PHF24: variants seen among roughly 807,000 people sequenced by gnomAD.
PHF24 encodes PHD finger protein 24.
Under a neutral mutation model 42.6 loss-of-function variants are expected in PHF24, and 25 were observed. That is an observed-to-expected ratio of 0.59 (90% CI 0.43 to 0.82). The LOEUF (loss-of-function observed/expected upper bound fraction) is 0.82, where lower values mean the gene tolerates loss of function less well. PHF24 is among the 40% of genes least tolerant of loss of function. The probability of loss-of-function intolerance (pLI) is 0.00; values close to 1 mark genes in which losing one functional copy is unlikely to be tolerated. For missense variants in PHF24, 470 were observed against 538.1 expected (o/e 0.87, Z 1.25); for synonymous variants, 185 against 204.8 (o/e 0.90, Z 0.83).
chr9:34,875,946 ACACACTCTCTCTCTCTCT>A, the PHF24 span, among the ~76,000 whole-genome samples: 12,535 of 88,736 alleles, frequency 0.14, 739 homozygotes, highest in East Asian at 0.35. Context: ...ACACACACAC[ACACACTCTCTCTCTCTCT>A]CTCTCTCTCT....
the PHF24 span, among the ~76,000 whole-genome samples, chr9:34,879,648 T>G: frequency 1.3e-5 from 2 of 151,982 alleles, no homozygotes; most frequent in South Asian, 4.1e-4. Context: ...AAGAGAAGTT[T>G]AGAGAAAAAA....
At chr9:34,704,148 C>A in the PHF24 span, among the ~76,000 whole-genome samples, 7 of 152,234 alleles carry the variant, frequency 4.6e-5, 1 homozygote, top group African/African-American at 1.7e-4. Flanking sequence ...CCACCTCAGC[C>A]TCCAAGTCGC....
At chr9:34,730,541 G>A in the PHF24 span, among the ~76,000 whole-genome samples, 1 of 152,172 alleles carries the variant, frequency 6.6e-6, no homozygotes, top group Non-Finnish European at 1.5e-5. Context: ...GGAGTGTTGA[G>A]GATACAAAGA....
chr9:34,977,329 C>G, intron 6 of PHF24, 86 bp downstream of exon 6: 1 of 1,468,978 alleles, frequency 6.8e-7, no homozygotes, highest in East Asian at 2.3e-5. Context: ...TCCCTGCTCC[C>G]CCTGCCAACA....
At chr9:34,966,753 A>C (rs1490702268) in intron 1 of PHF24, among the ~76,000 whole-genome samples, 1 of 151,932 alleles carries the variant, frequency 6.6e-6, no homozygotes, top group African/African-American at 2.4e-5. Flanking sequence ...TGTAGTGGCT[A>C]TTCACAGGCA....
chr9:34,918,132 A>G, the PHF24 span: 2 of 1,545,626 alleles, frequency 1.3e-6, no homozygotes, highest in Middle Eastern at 1.7e-4. Flanking sequence ...AGCCAATCGT[A>G]GCGCCAGCAT....
the PHF24 span, among the ~76,000 whole-genome samples, chr9:34,920,134 A>C: frequency 2.0e-5 from 3 of 152,180 alleles, no homozygotes; most frequent in Non-Finnish European, 4.4e-5. Flanking sequence ...ACCTCCATAC[A>C]GTTCTCCATA....
At chr9:34,889,591 G>T in the PHF24 span, 2 of 398,616 alleles carry the variant, frequency 5.0e-6, no homozygotes, top group African/African-American at 4.1e-5. Context: ...TTAATCCAGT[G>T]CAGAAACAGC....
chr9:34,782,000 A>G, the PHF24 span, among the ~76,000 whole-genome samples: 1 of 152,156 alleles, frequency 6.6e-6, no homozygotes, highest in East Asian at 1.9e-4. Context: ...TCTAGGCAAA[A>G]ATGTCCAAAT....
chr9:34,846,304 G>A, the PHF24 span, among the ~76,000 whole-genome samples: 2 of 152,120 alleles, frequency 1.3e-5, no homozygotes, highest in Non-Finnish European at 2.9e-5. Context: ...ACTGGTGTGA[G>A]ATGGTATCTC....
At chr9:34,908,293 C>T in the PHF24 span, among the ~76,000 whole-genome samples, 4 of 152,098 alleles carry the variant, frequency 2.6e-5, no homozygotes, top group African/African-American at 9.7e-5. Flanking sequence ...TCTTCACTGC[C>T]ACTGCCATAG....
At chr9:34,795,081 G>GA in the PHF24 span, among the ~76,000 whole-genome samples, 2 of 151,828 alleles carry the variant, frequency 1.3e-5, no homozygotes, top group East Asian at 1.9e-4. Context: ...AAGAAACCAG[G>GA]AAAAAAACAA....
the PHF24 span, among the ~76,000 whole-genome samples, chr9:34,749,263 G>T: frequency 6.6e-6 from 1 of 152,096 alleles, no homozygotes; most frequent in Non-Finnish European, 1.5e-5. Flanking sequence ...TCTGAAAGAG[G>T]CGATAGAGAG....
chr9:34,837,667 A>G, the PHF24 span: 4 of 1,522,948 alleles, frequency 2.6e-6, no homozygotes, highest in African/African-American at 4.1e-5. Flanking sequence ...TTGATGCTGC[A>G]TCTCTAGCTC....
the PHF24 span, among the ~76,000 whole-genome samples, chr9:34,909,797 G>C: frequency 6.6e-6 from 1 of 151,992 alleles, no homozygotes. Context: ...AATTTTTTCT[G>C]TTTTTTGGTA....
At chr9:34,709,594 T>G in the PHF24 span, 1 of 1,614,166 alleles carries the variant, frequency 6.2e-7, no homozygotes, top group Non-Finnish European at 8.5e-7. Context: ...GGGGATGGTG[T>G]CTTGTCCAGA....
chr9:34,879,041 C>G, the PHF24 span, among the ~76,000 whole-genome samples: 2 of 152,292 alleles, frequency 1.3e-5, no homozygotes, highest in East Asian at 3.9e-4. Context: ...CAACAGTTGC[C>G]ATTCTGCAAT....
the PHF24 span, among the ~76,000 whole-genome samples, chr9:34,677,220 C>T: frequency 1.3e-5 from 2 of 152,074 alleles, no homozygotes; most frequent in African/African-American, 4.8e-5. Flanking sequence ...TCAGCTCAGC[C>T]TCATGTTCTA....
At chr9:34,817,947 A>G in the PHF24 span, among the ~76,000 whole-genome samples, 8 of 152,334 alleles carry the variant, frequency 5.3e-5, no homozygotes, top group South Asian at 4.1e-4. Context: ...CTTTATTCCA[A>G]TACCACACTG....
Sources: allele counts gnomAD v4.1 joint callset (sites outside exome capture counted in the v4.1 genomes callset), GRCh38; gene constraint gnomAD v4.1.1; transcripts MANE v1.5; gene names NCBI Gene and HGNC (gene_info 2026-07-23, HGNC 2026-07-21).